ADAMTS20: variants seen among roughly 807,000 people sequenced by gnomAD.
ADAMTS20 encodes ADAM metallopeptidase with thrombospondin type 1 motif 20.
In ADAMTS20, 225 loss-of-function variants were observed where a neutral mutation model predicts 260.1. The observed-to-expected ratio is 0.87, with a 90% CI of 0.78 to 0.97. ADAMTS20 has a LOEUF of 0.97. ADAMTS20 is among the 50% of genes least tolerant of loss of function. The pLI, the probability that ADAMTS20 is intolerant of heterozygous loss-of-function variation, is 0.00. For missense variants in ADAMTS20, 2,400 were observed against 2,337.7 expected (o/e 1.03, Z -0.55); for synonymous variants, 802 against 769.5 (o/e 1.04, Z -0.70).
intron 31 of ADAMTS20, among the ~76,000 whole-genome samples, chr12:43,380,763 T>G (rs1940332521): frequency 6.6e-6 from 1 of 152,174 alleles, no homozygotes; most frequent in African/African-American, 2.4e-5. Flanking sequence ...TGGAAATTCA[T>G]TCCACATTCG....
Position 43,416,567 on chromosome 12 carries a change from A to T in ADAMTS20, c.4284+8947T>A, listed in dbSNP as rs555044218. ...GAGACGGAGTCTCACTCTGTCGCCC[A>T]GGCTGGAGTGCAGTGGAGCAACCTC... On this transcript the variant is annotated intron_variant, in intron 28 of 38. Coordinates refer to ENST00000389420, the MANE Select transcript of ADAMTS20 (RefSeq NM_025003.5). Among the ~76,000 whole-genome samples, 353 of 132,704 alleles carry T rather than the reference A, an allele frequency of 2.7e-3. 2 individuals carry two copies. Among genetic ancestry groups the T allele is most frequent in the African/African-American group, 9.5e-3 (334 of 34,978 alleles). 87.1% of individuals were successfully genotyped at this position (132,704 alleles called of 152,430 possible). A position where few individuals can be genotyped will look rare whatever the true frequency, so the allele number is the denominator to read the frequency against.
intron 28 of ADAMTS20, among the ~76,000 whole-genome samples, chr12:43,407,906 T>C (rs1940948814): frequency 6.6e-6 from 1 of 152,172 alleles, no homozygotes; most frequent in East Asian, 1.9e-4. Flanking sequence ...AACTTTCTAA[T>C]AATATTCTTT....
chr12:43,380,536 C>T (rs1274667245), intron 31 of ADAMTS20, among the ~76,000 whole-genome samples: 2 of 152,000 alleles, frequency 1.3e-5, no homozygotes, highest in Admixed American at 6.6e-5. Context: ...TAGAAAATCC[C>T]ATTTAATCCA....
At chr12:43,492,389 A>G (rs1942614576) in intron 6 of ADAMTS20, 116 bp downstream of exon 6, 1 of 1,239,260 alleles carries the variant, frequency 8.1e-7, no homozygotes, top group South Asian at 1.6e-5. Flanking sequence ...CAAAAAAAAA[A>G]GAAAAAGAAA....
Position 43,354,253 on chromosome 12 carries a change from A to G in ADAMTS20, c.5689T>C (p.Cys1897Arg), listed in dbSNP as rs377210391. The stretch of plus-strand genomic sequence containing the variant: ...AGACCAGTAGTCATGTGAGGAAGAC[A>G]CTTTCCACAGTACCCTCCACATTTG... ...FGKCGGYCGK[C>R]LPHMTTGLPI... Residue 1897 changes from cysteine (C) to arginine (R), a missense_variant, in exon 39 of 39, where the codon TGT becomes CGT. Cys to Arg is a radical substitution (Grantham distance 180). Transcript: ENST00000389420. The G allele has an allele frequency of 1.3e-5, 20 of 1,595,122 alleles. No homozygotes were observed. The highest frequency in any genetic ancestry group is 1.7e-5 in the Admixed American group (1 of 57,836).
At chr12:43,430,604 G>T in intron 22 of ADAMTS20, 133 bp from the exon 23 acceptor site, 1 of 824,528 alleles carries the variant, frequency 1.2e-6, no homozygotes, top group Non-Finnish European at 1.7e-6. Flanking sequence ...CTAGATTTAA[G>T]ACTTAAAAAG....
rs563851224 is a variant in ADAMTS20 at position 43,504,138 on chromosome 12, T to TG, written c.614-1734dup. 1.7e-3 allele frequency among the ~76,000 whole-genome samples: 254 copies of TG among 152,332 alleles called. 1 individual carries two copies. The highest frequency in any genetic ancestry group is 5.8e-3 in the African/African-American group (240 of 41,580). On this transcript the variant is annotated intron_variant, in intron 3 of 38. Transcript: ENST00000389420. The stretch of plus-strand genomic sequence containing the variant: ...TTAGTTCTTTGAGGAATTGCCACAC[T>TG]GCTTTCCACAGTGGCTGAGCTAATT...
chr12:43,462,899 C>T lies in ADAMTS20; in HGVS notation c.1610G>A (p.Gly537Glu). The change falls in exon 11 of 39, where the codon GGA becomes GAA. Residue 537 changes from glycine (G) to glutamate (E), a missense_variant. Transcript: ENST00000389420. Reference sequence around the variant, plus strand: ...TCACCCTTCAAGAAAACCTACCATTCCAGGACCGCAGTCTGTTCCATCTGC... The same window carrying T: ...TCACCCTTCAAGAAAACCTACCATTTCAGGACCGCAGTCTGTTCCATCTGC... The part of the protein sequence containing the change: ...PPADGTDCGP[G>E]MHCRHGLCVN... The T allele has an allele frequency of 6.2e-7, 1 of 1,601,782 alleles. No individual in the cohort carries two copies. The highest frequency in any genetic ancestry group is 1.3e-5 in the African/African-American group (1 of 74,970).
chr12:43,369,092 C>T (rs1001807178), intron 37 of ADAMTS20, among the ~76,000 whole-genome samples, 198 bp downstream of exon 37: 2 of 151,986 alleles, frequency 1.3e-5, no homozygotes, highest in South Asian at 2.1e-4. Context: ...ATTGTTATGC[C>T]TTTTAAACAA....
intron 26 of ADAMTS20, 68 bp from the exon 27 acceptor site, chr12:43,427,537 A>T (rs1437341664): frequency 4.2e-6 from 6 of 1,433,912 alleles, no homozygotes; most frequent in Non-Finnish European, 3.7e-6. Context: ...CATGGTAAAA[A>T]AAAAAAATCA....
chr12:43,539,528 C>T (rs1401981662), intron 2 of ADAMTS20, among the ~76,000 whole-genome samples: 1 of 151,912 alleles, frequency 6.6e-6, no homozygotes, highest in Non-Finnish European at 1.5e-5. Context: ...GGGCTGATAC[C>T]CTACCATATT....
At position 43,453,910 on chromosome 12, in the gene ADAMTS20, G is replaced by A; in HGVS notation, c.1757C>T (p.Pro586Leu). Reference protein sequence around the residue: ...IESATRRCNRPEPRNGGNYCV... With the variant: ...IESATRRCNRLEPRNGGNYCV... ...TAGTGACATAAAAAAGACATACTCA[G>A]GACGATTACAGCGCCTGGTTGCACT... Residue 586 changes from proline to leucine, a missense_variant, in exon 12 of 39, where the codon CCT becomes CTT. Pro to Leu is a moderately conservative substitution (Grantham distance 98). Transcript: ENST00000389420. 1 of 1,598,116 alleles carries A rather than the reference G, an allele frequency of 6.3e-7. No homozygotes were observed. Among genetic ancestry groups the A allele is most frequent in the Non-Finnish European group, 8.5e-7 (1 of 1,171,248 alleles).
chr12:43,459,048 T>C (rs771265254), intron 11 of ADAMTS20, among the ~76,000 whole-genome samples: 9 of 152,216 alleles, frequency 5.9e-5, no homozygotes, highest in African/African-American at 1.9e-4. Flanking sequence ...GAGCCTGCAA[T>C]GGCTACCCTC....
At position 43,428,864 on chromosome 12, in the gene ADAMTS20, A is replaced by G. The variant is rs545432877; in HGVS notation, c.3490-65T>C. On this transcript the variant is annotated intron_variant, in intron 24 of 38. Coordinates refer to ENST00000389420, the MANE Select transcript of ADAMTS20 (RefSeq NM_025003.5). ...AGTACCTCACCCATGTCCCTTTTAC[A>G]TAGCTGTTACTCACATTTCTAAAAC... The G allele has an allele frequency of 1.2e-5, 17 of 1,384,818 alleles. No individual in the cohort carries two copies. In the Admixed American group the frequency reaches 2.4e-4, roughly 19 times the overall value. 85.8% of individuals were successfully genotyped at this position (1,384,818 alleles called of 1,614,324 possible).
intron 18 of ADAMTS20, among the ~76,000 whole-genome samples, chr12:43,437,874 A>C (rs1289206060): frequency 6.6e-6 from 1 of 152,186 alleles, no homozygotes; most frequent in Non-Finnish European, 1.5e-5. Context: ...AAATTAGAGA[A>C]AAGAGGGCCA....
rs573709580 is a variant in ADAMTS20, at chr12:43,466,884, T to C, written c.1224-89A>G. The C allele has an allele frequency of 8.6e-6, 8 of 933,526 alleles. No individual in the cohort carries two copies. In the African/African-American group the frequency reaches 1.2e-4, roughly 14 times the overall value. The allele number at this position is 933,526 out of a possible 1,614,324, so 57.8% of individuals were successfully genotyped here. A position where few individuals can be genotyped will look rare whatever the true frequency, so the allele number is the denominator to read the frequency against. The stretch of plus-strand genomic sequence containing the variant: ...CCTTTATAGTCACATTATAATACAA[T>C]ATAAAATATAGATAAATCTGGTTAT... On this transcript the variant is annotated intron_variant, in intron 8 of 38. Coordinates refer to ENST00000389420, the MANE Select transcript of ADAMTS20 (RefSeq NM_025003.5).
chr12:43,493,102 T>C lies in ADAMTS20; in HGVS notation c.951+68A>G. 3 of 1,037,594 alleles carry C rather than the reference T, an allele frequency of 2.9e-6. 1 individual carries two copies. In the South Asian group the frequency reaches 4.4e-5, roughly 15 times the overall value. The allele number at this position is 1,037,594 out of a possible 1,614,324, so 64.3% of individuals were successfully genotyped here. ...TATCTCATTTCTAATAAGAGTTCCA[T>C]AATCTCTACGTATTGTCACTAAAAA... On this transcript the variant is annotated intron_variant, in intron 5 of 38. Coordinates refer to ENST00000389420, the MANE Select transcript of ADAMTS20 (RefSeq NM_025003.5).
intron 36 of ADAMTS20, among the ~76,000 whole-genome samples, chr12:43,370,093 T>C (rs1036603148): frequency 3.3e-5 from 5 of 152,200 alleles, no homozygotes; most frequent in African/African-American, 1.2e-4. Flanking sequence ...ACCTCCACTA[T>C]GTATTCCAAA....
At chr12:43,445,029 A>C (rs1013222544) in intron 15 of ADAMTS20, among the ~76,000 whole-genome samples, 30 of 152,176 alleles carry the variant, frequency 2.0e-4, no homozygotes, top group Non-Finnish European at 4.0e-4. Context: ...TCACTATAAA[A>C]TATTCTTACC....
Sources: allele counts gnomAD v4.1 joint callset (sites outside exome capture counted in the v4.1 genomes callset), GRCh38; gene constraint gnomAD v4.1.1; transcripts MANE v1.5; gene names NCBI Gene and HGNC (gene_info 2026-07-23, HGNC 2026-07-21).